Variants in PLEKHD1 observed in about 807,000 individuals in gnomAD.
PLEKHD1 encodes pleckstrin homology domain-containing family D member 1.
A neutral mutation model predicts 69.2 loss-of-function variants in PLEKHD1; 51 were observed. That is an observed-to-expected ratio of 0.74 (90% CI 0.59 to 0.93). The LOEUF (loss-of-function observed/expected upper bound fraction) is 0.93. Among genes scored for constraint, PLEKHD1 ranks in the 40% least tolerant of loss-of-function variants. The pLI is 0.00. For synonymous variants in PLEKHD1, 236 were observed against 244.7 expected (o/e 0.96, Z 0.33); for missense variants, 584 against 641.0 (o/e 0.91, Z 0.96).
chr14:69,507,123 C>T (rs539203243), intron 6 of PLEKHD1, among the ~76,000 whole-genome samples: 9 of 152,222 alleles, frequency 5.9e-5, no homozygotes, highest in African/African-American at 2.2e-4. Flanking sequence ...AACTCCTGAC[C>T]TCATGATCCC....
At chr14:69,490,910 T>C (rs1882764479) in intron 1 of PLEKHD1, among the ~76,000 whole-genome samples, 1 of 152,188 alleles carries the variant, frequency 6.6e-6, no homozygotes, top group Non-Finnish European at 1.5e-5. Context: ...GCTGGGCCTA[T>C]TCTGGAAGTT....
intron 6 of PLEKHD1, among the ~76,000 whole-genome samples, chr14:69,521,632 C>T (rs1265792937): frequency 6.6e-6 from 1 of 152,202 alleles, no homozygotes; most frequent in Non-Finnish European, 1.5e-5. Flanking sequence ...GAAAAGAGGA[C>T]TCCTGGAGGA....
rs927411824 is a variant in PLEKHD1 at position 69,503,291 on chromosome 14, A to G, written c.555+412A>G. 3.0e-5 allele frequency: 7 copies of G among 232,184 alleles called. No individual in the cohort carries two copies. The South Asian group carries it at 3.7e-4, about 12-fold the overall frequency. The allele number at this position is 232,184 out of a possible 1,614,324, so 14.4% of individuals were successfully genotyped here. On this transcript the variant is annotated intron_variant, in intron 6 of 12. Coordinates refer to ENST00000322564, the MANE Select transcript of PLEKHD1 (RefSeq NM_001161498.2). ...AAGTTCCTTCATTCTCTGAATGTCAAAAGTCCACAGCAGGCTAAGCACTGG... is the reference window on the plus strand; with the variant it reads ...AAGTTCCTTCATTCTCTGAATGTCAGAAGTCCACAGCAGGCTAAGCACTGG...
chr14:69,522,839 T>C (rs1251639766), intron 7 of PLEKHD1, among the ~76,000 whole-genome samples: 1 of 152,170 alleles, frequency 6.6e-6, no homozygotes, highest in African/African-American at 2.4e-5. Context: ...ATCTACTGAA[T>C]TATAATCTTT....
upstream of PLEKHD1, among the ~76,000 whole-genome samples, chr14:69,482,891 T>A: frequency 9.7e-6 from 1 of 102,822 alleles, no homozygotes; most frequent in African/African-American, 3.9e-5. Context: ...CCCCCATCTC[T>A]CTAAAAAAAA....
chr14:69,497,856 T>G, intron 1 of PLEKHD1, among the ~76,000 whole-genome samples: 1 of 149,734 alleles, frequency 6.7e-6, no homozygotes, highest in African/African-American at 2.5e-5. Flanking sequence ...CACAGGGCTG[T>G]GTTTGTTATG....
chr14:69,498,588 T>TTCTC (rs1882943270), intron 1 of PLEKHD1, among the ~76,000 whole-genome samples: 1 of 108,584 alleles, frequency 9.2e-6, no homozygotes, highest in African/African-American at 3.6e-5. Flanking sequence ...TTCTTTTTGT[T>TTCTC]TTCTCTTCTC....
chr14:69,515,015 T>C (rs1273863692), intron 6 of PLEKHD1, among the ~76,000 whole-genome samples: 2 of 152,122 alleles, frequency 1.3e-5, no homozygotes, highest in African/African-American at 2.4e-5. Context: ...CTGTGTGACA[T>C]GGCGAAATCC....
At chr14:69,495,119 C>G (rs1298947934) in intron 1 of PLEKHD1, among the ~76,000 whole-genome samples, 1 of 152,168 alleles carries the variant, frequency 6.6e-6, no homozygotes, top group Admixed American at 6.5e-5. Context: ...CAAAGACTAC[C>G]CTGAACATCC....
At chr14:69,474,322 A>T in the PLEKHD1 span, among the ~76,000 whole-genome samples, 1 of 152,124 alleles carries the variant, frequency 6.6e-6, no homozygotes, top group Admixed American at 6.5e-5. Flanking sequence ...CCACCAAATG[A>T]TCTGCTGGCA....
intron 4 of PLEKHD1, chr14:69,501,221 C>G (rs894249756): frequency 1.9e-6 from 1 of 529,028 alleles, no homozygotes; most frequent in African/African-American, 1.9e-5. Flanking sequence ...TCCTGACACC[C>G]ATCTCACCTC....
chr14:69,526,295 C>G (rs777731483), intron 9 of PLEKHD1, among the ~76,000 whole-genome samples, 173 bp downstream of exon 9: 4 of 152,224 alleles, frequency 2.6e-5, no homozygotes, highest in Admixed American at 1.3e-4. Context: ...AGAACTTTCA[C>G]TACCCAAAGC....
In PLEKHD1 at chr14:69,502,878, A is replaced by G. The variant is rs758507503; in HGVS notation, c.554A>G (p.Glu185Gly). The G allele has an allele frequency of 7.4e-5, 115 of 1,551,462 alleles. No homozygotes were observed. The highest frequency in any genetic ancestry group is 9.3e-5 in the Non-Finnish European group (107 of 1,146,946). The change falls in exon 6 of 13, where the codon GAG (glutamate) becomes GGG (glycine). Residue 185 changes from glutamate to glycine, a missense_variant and splice_region_variant. By Grantham distance (98) the Glu-to-Gly change is moderately conservative (BLOSUM62 -2). Coordinates refer to ENST00000322564, the MANE Select transcript of PLEKHD1 (RefSeq NM_001161498.2). ...CTCTGCCTTCAGAGGGAGCAGAGAG[A>G]GGTAGGTGCACACCAAGGGGCTCTC... is the stretch of plus-strand genomic sequence containing the variant. ...EELCLQREQR[E>G]ELERLNQVLE... is the part of the protein sequence containing the mutation.
intron 6 of PLEKHD1, among the ~76,000 whole-genome samples, chr14:69,509,367 A>G (rs1236244473): frequency 6.6e-6 from 1 of 152,200 alleles, no homozygotes; most frequent in East Asian, 1.9e-4. Context: ...AATGAAATCC[A>G]TCTTATCAAT....
At position 69,525,987 on chromosome 14, in the gene PLEKHD1, A is replaced by C; in HGVS notation, c.788A>C (p.Glu263Ala). Residue 263 changes from glutamate to alanine, a missense_variant, in exon 9 of 13, where the codon GAG becomes GCG. Glu to Ala is a moderately radical substitution (Grantham distance 107, BLOSUM62 -1). Transcript: ENST00000322564. ...EKKKTLEMLE[E>A]NENHLQTLAN... ...AAGAAAACCCTGGAAATGCTGGAGG[A>C]GAACGAGAACCACCTGCAGACACTG... is the stretch of plus-strand genomic sequence containing the variant. 6.4e-7 allele frequency: 1 copy of C among 1,551,672 alleles called. No homozygotes were observed. Among genetic ancestry groups the C allele is most frequent in the South Asian group, 1.2e-5 (1 of 84,050 alleles).
At chr14:69,486,012 G>C (rs188183502) in intron 1 of PLEKHD1, among the ~76,000 whole-genome samples, 4 of 152,208 alleles carry the variant, frequency 2.6e-5, no homozygotes, top group Non-Finnish European at 5.9e-5. Flanking sequence ...GGTGCTGTGG[G>C]CCATTTTCTG....
rs1322173966 is a variant in PLEKHD1 at position 69,485,082 on chromosome 14, T to C, written c.117T>C (p.Pro39=). Residue 39 remains proline, a synonymous_variant, in exon 1 of 13, where the codon CCT becomes CCC. Transcript: ENST00000322564. ...VQLYGVLWKR[P]FGRPSAKWSR... ...TCTACGGCGTGCTGTGGAAGAGGCCTTTCGGCAGGCCGTCGGCCAAGTGGT... is the reference window on the plus strand; with the variant it reads ...TCTACGGCGTGCTGTGGAAGAGGCCCTTCGGCAGGCCGTCGGCCAAGTGGT... 6.4e-7 allele frequency: 1 copy of C among 1,551,012 alleles called. No individual in the cohort carries two copies. The highest frequency in any genetic ancestry group is 2.0e-5 in the Admixed American group (1 of 51,010).
At chr14:69,499,537 A>G (rs1882974404) in intron 1 of PLEKHD1, among the ~76,000 whole-genome samples, 1 of 152,160 alleles carries the variant, frequency 6.6e-6, no homozygotes, top group African/African-American at 2.4e-5. Context: ...AAAAGCACCA[A>G]AGTCACAGAG....
intron 6 of PLEKHD1, among the ~76,000 whole-genome samples, chr14:69,505,045 G>T (rs1033762579): frequency 1.3e-5 from 2 of 152,190 alleles, no homozygotes; most frequent in Admixed American, 1.3e-4. Context: ...CTCTATCTAG[G>T]TCTTTAGCCA....
Sources: allele counts gnomAD v4.1 joint callset (sites outside exome capture counted in the v4.1 genomes callset), GRCh38; gene constraint gnomAD v4.1.1; transcripts MANE v1.5; gene names NCBI Gene and HGNC (gene_info 2026-07-23, HGNC 2026-07-21).